DGKB: variants seen among roughly 807,000 people sequenced by gnomAD.
The protein encoded by DGKB is 90 kDa diacylglycerol kinase.
DGKB carries 67 observed loss-of-function variants against 114.3 expected under a neutral mutation model. The ratio of observed to expected loss-of-function variants is 0.59; its 90% CI spans 0.48 to 0.72. The LOEUF (loss-of-function observed/expected upper bound fraction) is 0.72. Among genes scored for constraint, DGKB ranks in the 30% least tolerant of loss-of-function variants. The pLI, the probability that DGKB is intolerant of heterozygous loss-of-function variation, is 0.00. For missense variants in DGKB, 907 were observed against 975.2 expected, an observed-to-expected ratio of 0.93 and a Z score of 0.93; for synonymous variants, 398 against 323.1, an observed-to-expected ratio of 1.23 and a Z score of -2.49.
intron 21 of DGKB, among the ~76,000 whole-genome samples, chr7:14,459,226 C>T (rs545316708): frequency 1.3e-5 from 2 of 152,196 alleles, no homozygotes; most frequent in African/African-American, 4.8e-5. Flanking sequence ...GATAAAACTC[C>T]AATCTCCCTG....
intron 23 of DGKB, among the ~76,000 whole-genome samples, chr7:14,257,537 G>A (rs1424274607): frequency 1.3e-5 from 2 of 152,038 alleles, no homozygotes; most frequent in Non-Finnish European, 2.9e-5. Flanking sequence ...TTGAATCATA[G>A]AGGCTGTTAC....
chr7:14,506,180 G>C (rs1787021908), intron 20 of DGKB, among the ~76,000 whole-genome samples: 1 of 151,988 alleles, frequency 6.6e-6, no homozygotes, highest in African/African-American at 2.4e-5. Context: ...TAAAGATTTT[G>C]GCAAAATTTT....
At chr7:14,946,189 T>C (rs775153965) in intron 1 of DGKB, among the ~76,000 whole-genome samples, 35 of 151,528 alleles carry the variant, frequency 2.3e-4, no homozygotes, top group Non-Finnish European at 1.2e-4. Flanking sequence ...TCCCAGTTGA[T>C]TTTGTAGTTT....
At chr7:14,470,786 G>A (rs1781167914) in intron 21 of DGKB, among the ~76,000 whole-genome samples, 1 of 151,532 alleles carries the variant, frequency 6.6e-6, no homozygotes, top group Non-Finnish European at 1.5e-5. Flanking sequence ...GTACATTAAA[G>A]ATTCTTACAG....
At chr7:14,380,237 T>A (rs933142013) in intron 21 of DGKB, among the ~76,000 whole-genome samples, 3 of 151,254 alleles carry the variant, frequency 2.0e-5, no homozygotes, top group African/African-American at 7.3e-5. Context: ...AAAATAAATA[T>A]ATAAATAAAT....
At position 14,633,505 on chromosome 7, in the gene DGKB, T is replaced by C. The variant is rs535295210; in HGVS notation, c.1135-3237A>G. 2.1e-3 allele frequency among the ~76,000 whole-genome samples: 321 copies of C among 151,996 alleles called. 1 individual carries two copies. Among genetic ancestry groups the C allele is most frequent in the African/African-American group, 7.2e-3 (299 of 41,526 alleles). On this transcript the variant is annotated intron_variant, in intron 13 of 25. Transcript: ENST00000402815. ...TACATGCCCATCAGTAGTTTATTCCTGTTACAATGAGCAAACCATGGTACT... is the reference window on the plus strand; with the variant it reads ...TACATGCCCATCAGTAGTTTATTCCCGTTACAATGAGCAAACCATGGTACT...
chr7:14,590,623 A>C (rs1298027294), intron 17 of DGKB, among the ~76,000 whole-genome samples: 1 of 152,044 alleles, frequency 6.6e-6, no homozygotes, highest in Non-Finnish European at 1.5e-5. Flanking sequence ...GATCCATTCA[A>C]TCCATGCAGT....
At chr7:14,650,651 C>G (rs1814237219) in intron 13 of DGKB, among the ~76,000 whole-genome samples, 2 of 88,586 alleles carry the variant, frequency 2.3e-5, no homozygotes, top group South Asian at 6.7e-4. Flanking sequence ...AAAATCAGAG[C>G]AGAACTGAAG....
intron 2 of DGKB, among the ~76,000 whole-genome samples, chr7:14,832,220 G>A (rs1044948860): frequency 6.6e-6 from 1 of 151,848 alleles, no homozygotes; most frequent in Non-Finnish European, 1.5e-5. Context: ...AACAAGTTAA[G>A]GAAATAAACA....
At chr7:14,684,663 C>T (rs1011792367) in intron 10 of DGKB, among the ~76,000 whole-genome samples, 7 of 151,994 alleles carry the variant, frequency 4.6e-5, no homozygotes, top group African/African-American at 1.7e-4. Context: ...AAAATGGCCA[C>T]GACTCATTAA....
chr7:14,658,262 T>C (rs893148366), intron 13 of DGKB, among the ~76,000 whole-genome samples: 1 of 151,896 alleles, frequency 6.6e-6, no homozygotes. Flanking sequence ...ATTTTAAGTT[T>C]CAGCAACATA....
intron 20 of DGKB, among the ~76,000 whole-genome samples, chr7:14,480,908 T>G (rs1446905221): frequency 6.6e-6 from 1 of 152,088 alleles, no homozygotes. Flanking sequence ...TTTCTTAAAG[T>G]TAAATGAGAA....
chr7:14,350,746 G>A (rs1369720301), intron 21 of DGKB, among the ~76,000 whole-genome samples: 3 of 151,242 alleles, frequency 2.0e-5, no homozygotes, highest in South Asian at 2.1e-4. Flanking sequence ...TTAACTAAGC[G>A]ATTTGACCTA....
At chr7:14,891,808 A>G (rs1168950387) in intron 1 of DGKB, among the ~76,000 whole-genome samples, 3 of 151,450 alleles carry the variant, frequency 2.0e-5, no homozygotes, top group Middle Eastern at 3.2e-3. Flanking sequence ...AGGGCTCTGT[A>G]AGAAAACTGC....
intron 21 of DGKB, among the ~76,000 whole-genome samples, chr7:14,437,142 C>T (rs775050833): frequency 4.0e-5 from 6 of 151,834 alleles, no homozygotes; most frequent in East Asian, 1.9e-4. Context: ...CACGACTTAA[C>T]GATTTATGGA....
intron 12 of DGKB, among the ~76,000 whole-genome samples, chr7:14,675,356 C>A (rs1819666140): frequency 6.6e-6 from 1 of 151,962 alleles, no homozygotes. Context: ...ACTAAGCTCT[C>A]TGTATAGTTA....
intron 20 of DGKB, among the ~76,000 whole-genome samples, chr7:14,572,649 G>C (rs1403938483): frequency 6.6e-5 from 10 of 151,948 alleles, no homozygotes; most frequent in African/African-American, 2.4e-4. Flanking sequence ...CTAAAGATTG[G>C]AAACAATCAA....
intron 17 of DGKB, among the ~76,000 whole-genome samples, chr7:14,584,750 C>G (rs1439659143): frequency 6.6e-6 from 1 of 151,990 alleles, no homozygotes; most frequent in African/African-American, 2.4e-5. Flanking sequence ...CCTCCTCCTC[C>G]TGGGTTCAAG....
chr7:14,178,240 A>C (rs1782079400), intron 23 of DGKB, 89 bp from the exon 24 acceptor site: 1 of 1,344,910 alleles, frequency 7.4e-7, no homozygotes, highest in Non-Finnish European at 1.0e-6. Flanking sequence ...ATTAAAAAAA[A>C]TAACAGCCAC....
Sources: gnomAD v4.1 joint callset for allele counts (sites outside exome capture counted in the v4.1 genomes callset) on GRCh38, gnomAD v4.1.1 for gene constraint, MANE v1.5 for transcripts, NCBI Gene and HGNC (gene_info 2026-07-23, HGNC 2026-07-21) for gene names.